The following NCOA2 variants were observed in gnomAD, a reference collection of about 807,000 sequenced individuals.
The protein encoded by NCOA2 is nuclear receptor coactivator 2.
A neutral mutation model predicts 145.1 loss-of-function variants in NCOA2; 21 were observed. That is an observed-to-expected ratio of 0.14 (90% CI 0.10 to 0.21). The LOEUF (loss-of-function observed/expected upper bound fraction) is 0.21. Ranked by LOEUF, NCOA2 falls within the 10% of genes least tolerant of loss-of-function variation. The probability of loss-of-function intolerance (pLI) is 1.00; values close to 1 mark genes in which losing one functional copy is unlikely to be tolerated. For synonymous variants in NCOA2, 619 were observed against 637.5 expected, an observed-to-expected ratio of 0.97 and a Z score of 0.44; for missense variants, 1,472 against 1,837.6, an observed-to-expected ratio of 0.80 and a Z score of 3.64.
chr8:70,147,226 G>A lies in NCOA2; in HGVS notation c.2605+1047C>T, dbSNP rs535410630. ...CGGACCACTGCAACCTCCGCCTCCC[G>A]GGTTCAACCAATTCTCCTGCCTCGG... On this transcript the variant is annotated intron_variant, in intron 12 of 22. Coordinates refer to ENST00000452400, the MANE Select transcript of NCOA2 (RefSeq NM_006540.4). Among the ~76,000 whole-genome samples the A allele has an allele frequency of 9.0e-4, 136 of 151,774 alleles. 1 individual carries two copies. The highest frequency in any genetic ancestry group is 3.1e-3 in the African/African-American group (127 of 41,346).
intron 2 of NCOA2, among the ~76,000 whole-genome samples, chr8:70,225,271 C>A (rs1191898764): frequency 6.6e-6 from 1 of 152,096 alleles, no homozygotes; most frequent in Non-Finnish European, 1.5e-5. Context: ...CAAGGTAGGG[C>A]CAGGCGCAGT....
chr8:70,169,300 C>G (rs1257436426), intron 6 of NCOA2, among the ~76,000 whole-genome samples: 1 of 152,164 alleles, frequency 6.6e-6, no homozygotes, highest in Non-Finnish European at 1.5e-5. Flanking sequence ...TCAGGAAATT[C>G]CAGACAGGGA....
intron 4 of NCOA2, among the ~76,000 whole-genome samples, chr8:70,205,164 G>C (rs1484805690): frequency 6.6e-6 from 1 of 152,038 alleles, no homozygotes; most frequent in Admixed American, 6.5e-5. Flanking sequence ...GATGTCAAAG[G>C]AGATGAATTC....
chr8:70,181,448 C>T (rs568760793), intron 4 of NCOA2, among the ~76,000 whole-genome samples: 1 of 152,302 alleles, frequency 6.6e-6, no homozygotes, highest in South Asian at 2.1e-4. Context: ...AATGCATCTA[C>T]TGAGAGATAA....
chr8:70,121,282 A>AT lies in NCOA2; in HGVS notation c.4383+19dup, dbSNP rs1281614189. ...GTTTGCTTTACTTCCATATTCATAT[A>AT]TTTCACTGTTCTTTCTTACCCGTGT... On this transcript the variant is annotated intron_variant, in intron 22 of 22. Transcript: ENST00000452400. 2.5e-6 allele frequency: 4 copies of AT among 1,595,088 alleles called. No homozygotes were observed. In the Admixed American group the frequency reaches 6.8e-5, roughly 27 times the overall value.
At chr8:70,387,590 C>T (rs1310602481) in intron 1 of NCOA2, among the ~76,000 whole-genome samples, 1 of 151,762 alleles carries the variant, frequency 6.6e-6, no homozygotes, top group Admixed American at 6.6e-5. Context: ...CCACATGCTC[C>T]TCTTATAATG....
chr8:70,364,080 C>T (rs1056505679), intron 1 of NCOA2, among the ~76,000 whole-genome samples: 12 of 151,442 alleles, frequency 7.9e-5, no homozygotes, highest in African/African-American at 2.4e-4. Flanking sequence ...AAGACTGCTG[C>T]GTTATGGGAC....
chr8:70,410,835 G>A, the NCOA2 span, among the ~76,000 whole-genome samples: 2 of 152,296 alleles, frequency 1.3e-5, no homozygotes, highest in East Asian at 3.9e-4. Context: ...ATTTATGCTA[G>A]AATACTACAG....
At chr8:70,289,574 C>T (rs1826508642) in intron 2 of NCOA2, among the ~76,000 whole-genome samples, 1 of 152,014 alleles carries the variant, frequency 6.6e-6, no homozygotes, top group African/African-American at 2.4e-5. Context: ...ATTAGGTTGA[C>T]ACTAATGTGT....
At chr8:70,171,271 G>T (rs376159347) in intron 5 of NCOA2, among the ~76,000 whole-genome samples, 1 of 152,150 alleles carries the variant, frequency 6.6e-6, no homozygotes, top group Non-Finnish European at 1.5e-5. Context: ...CTCCTGGAAG[G>T]AATCTTTTAT....
At chr8:70,176,033 A>C (rs1454157779) in intron 4 of NCOA2, among the ~76,000 whole-genome samples, 1 of 152,226 alleles carries the variant, frequency 6.6e-6, no homozygotes, top group Non-Finnish European at 1.5e-5. Context: ...TGTGCAGTTC[A>C]AGCTCAAACT....
intron 4 of NCOA2, among the ~76,000 whole-genome samples, chr8:70,207,658 G>A (rs1264861338): frequency 6.6e-6 from 1 of 152,040 alleles, no homozygotes; most frequent in East Asian, 1.9e-4. Context: ...TAGGTTAGGA[G>A]TTTGAGACCA....
chr8:70,247,719 C>CA (rs1822747727), intron 2 of NCOA2, among the ~76,000 whole-genome samples: 1 of 152,218 alleles, frequency 6.6e-6, no homozygotes, highest in Non-Finnish European at 1.5e-5. Flanking sequence ...GACACGCTAA[C>CA]ATTAACACCA....
intron 2 of NCOA2, among the ~76,000 whole-genome samples, chr8:70,237,901 T>G (rs1271759554): frequency 6.6e-6 from 1 of 152,072 alleles, no homozygotes; most frequent in African/African-American, 2.4e-5. Flanking sequence ...CTGTGTGACG[T>G]TCTAAGTAAG....
intron 2 of NCOA2, among the ~76,000 whole-genome samples, chr8:70,269,745 G>A (rs1490511949): frequency 1.3e-5 from 2 of 152,086 alleles, no homozygotes; most frequent in Non-Finnish European, 2.9e-5. Context: ...TTTGCATTCC[G>A]ACTTAAGGCA....
chr8:70,271,844 AAACT>A (rs1281622908), intron 2 of NCOA2, among the ~76,000 whole-genome samples: 1 of 152,182 alleles, frequency 6.6e-6, no homozygotes, highest in Non-Finnish European at 1.5e-5. Flanking sequence ...TCTACACATT[AAACT>A]AACAGGCTAT....
At chr8:70,428,614 C>T in the NCOA2 span, among the ~76,000 whole-genome samples, 1 of 151,894 alleles carries the variant, frequency 6.6e-6, no homozygotes, top group East Asian at 1.9e-4. Context: ...CAGAGTGAGA[C>T]CATATCTAAA....
chr8:70,347,846 T>A (rs1808821691), intron 1 of NCOA2, among the ~76,000 whole-genome samples: 1 of 152,210 alleles, frequency 6.6e-6, no homozygotes. Context: ...CTTGTACACA[T>A]GCAGCTACAT....
intron 7 of NCOA2, among the ~76,000 whole-genome samples, chr8:70,164,815 C>A (rs780109859): frequency 2.0e-5 from 3 of 151,546 alleles, no homozygotes; most frequent in Admixed American, 6.6e-5. Context: ...TTGGGCACTA[C>A]GAGATAAACA....
Sources: gnomAD v4.1 joint callset for allele counts (sites outside exome capture counted in the v4.1 genomes callset) on GRCh38, gnomAD v4.1.1 for gene constraint, MANE v1.5 for transcripts, NCBI Gene and HGNC (gene_info 2026-07-23, HGNC 2026-07-21) for gene names.